RTN4: variants seen among roughly 807,000 people sequenced by gnomAD.
The protein encoded by RTN4 is reticulon 4.
In RTN4, 32 loss-of-function variants were observed where a neutral mutation model predicts 90.4. The ratio of observed to expected loss-of-function variants is 0.35; its 90% CI spans 0.27 to 0.48. The LOEUF is 0.48. Among genes scored for constraint, RTN4 ranks in the 20% least tolerant of loss-of-function variants. The pLI, the probability that RTN4 is intolerant of heterozygous loss-of-function variation, is 0.99. For missense variants in RTN4, 1,706 were observed against 1,430.2 expected, an observed-to-expected ratio of 1.19 and a Z score of -3.11; for synonymous variants, 629 against 552.5, an observed-to-expected ratio of 1.14 and a Z score of -1.94.
At chr2:55,069,745 T>A (rs1319662608) in intron 2 of RTN4, among the ~76,000 whole-genome samples, 1 of 152,144 alleles carries the variant, frequency 6.6e-6, no homozygotes, top group Non-Finnish European at 1.5e-5. Flanking sequence ...GGCCTGCACC[T>A]CCACCCATCA....
intron 2 of RTN4, chr2:55,056,546 C>T (rs907279163): frequency 4.0e-5 from 6 of 151,464 alleles, no homozygotes; most frequent in Admixed American, 1.3e-4. Context: ...GGCAACATGG[C>T]GAACCTGATT....
chr2:55,050,137 A>G lies in RTN4; in HGVS notation c.164T>C (p.Leu55Pro). Residue 55 changes from leucine to proline, a missense_variant, in exon 1 of 9, where the codon CTG becomes CCG. Transcript: ENST00000337526. This position sits in a 1 kb window ranked among gnomAD's most constrained non-coding sequence, Gnocchi z 4.6. ...EDEDLEELEVLERKPAAGLSA... is the reference protein window; with the variant it reads ...EDEDLEELEVPERKPAAGLSA... Reference sequence around the variant, plus strand: ...CAGCCCGGCGGCGGGCTTCCTCTCCAGCACCTCCAGCTCCTCCAGGTCTTC... The same window carrying G: ...CAGCCCGGCGGCGGGCTTCCTCTCCGGCACCTCCAGCTCCTCCAGGTCTTC... 1 of 1,543,528 alleles carries G rather than the reference A, an allele frequency of 6.5e-7. No individual in the cohort carries two copies. Among genetic ancestry groups the G allele is most frequent in the Non-Finnish European group, 8.7e-7 (1 of 1,152,946 alleles).
At chr2:54,990,653 T>C (rs907620083) in intron 3 of RTN4, among the ~76,000 whole-genome samples, 7 of 152,364 alleles carry the variant, frequency 4.6e-5, no homozygotes, top group African/African-American at 1.7e-4. Context: ...TTGTGTTATA[T>C]TGTAAACATG....
At chr2:54,973,255 C>CATCT in intron 8 of RTN4, 57 bp from the exon 9 acceptor site, 1 of 1,391,974 alleles carries the variant, frequency 7.2e-7, no homozygotes. Flanking sequence ...CTTAAAATAC[C>CATCT]ATCTTCCAAG....
intron 1 of RTN4, among the ~76,000 whole-genome samples, chr2:55,033,277 T>C (rs572112823): frequency 5.1e-4 from 78 of 152,284 alleles, no homozygotes; most frequent in African/African-American, 1.6e-3. Flanking sequence ...TCACCTCTCA[T>C]TGATGTAATC....
intron 3 of RTN4, among the ~76,000 whole-genome samples, chr2:55,015,905 A>T (rs1680998849): frequency 6.6e-6 from 1 of 152,212 alleles, no homozygotes; most frequent in African/African-American, 2.4e-5. Flanking sequence ...TTCTTCTGAT[A>T]AAAGGGTAAA....
chr2:55,137,719 GC>G, the RTN4 span, among the ~76,000 whole-genome samples: 1 of 152,030 alleles, frequency 6.6e-6, no homozygotes, highest in Non-Finnish European at 1.5e-5. Context: ...CTCCCCCATG[GC>G]GCTCTCTCCA....
intron 1 of RTN4, among the ~76,000 whole-genome samples, chr2:55,084,508 T>G (rs1407558174): frequency 1.3e-5 from 2 of 152,068 alleles, no homozygotes; most frequent in Non-Finnish European, 2.9e-5. Context: ...TGTGAGCCAT[T>G]CTAGCAAATG....
intron 3 of RTN4, among the ~76,000 whole-genome samples, chr2:54,992,532 G>A (rs1033703417): frequency 6.6e-6 from 1 of 151,802 alleles, no homozygotes; most frequent in Admixed American, 6.6e-5. Flanking sequence ...CCGAGAACAG[G>A]GCTTTACTCC....
chr2:55,111,164 T>C (rs1021294125), intron 1 of RTN4, among the ~76,000 whole-genome samples: 2 of 152,188 alleles, frequency 1.3e-5, no homozygotes, highest in Non-Finnish European at 2.9e-5. Flanking sequence ...TTGCTAACCT[T>C]GGGAAATTTG....
At chr2:55,110,622 G>T (rs572932638) in intron 1 of RTN4, among the ~76,000 whole-genome samples, 2 of 152,192 alleles carry the variant, frequency 1.3e-5, no homozygotes, top group Non-Finnish European at 1.5e-5. Flanking sequence ...ATCTGAGGGC[G>T]CATATACGTC....
At chr2:55,099,088 G>C (rs1454433148) in intron 1 of RTN4, among the ~76,000 whole-genome samples, 3 of 152,088 alleles carry the variant, frequency 2.0e-5, no homozygotes, top group Non-Finnish European at 2.9e-5. Flanking sequence ...ATAGAAAGGG[G>C]ACTCTATTAC....
At chr2:55,130,758 G>A in the RTN4 span, among the ~76,000 whole-genome samples, 7 of 152,126 alleles carry the variant, frequency 4.6e-5, no homozygotes, top group Admixed American at 4.6e-4. Flanking sequence ...GAGGCTCTGA[G>A]AGGTAATTTG....
rs780367107 is a variant in RTN4, at chr2:55,026,273, G to A, written c.1826C>T (p.Pro609Leu). 2.1e-5 allele frequency: 34 copies of A among 1,613,806 alleles called. No individual in the cohort carries two copies. In the East Asian group the frequency reaches 7.1e-4, roughly 34 times the overall value. ...SFEESEATPS[P>L]VLPDIVMEAP... ...TTCCATAACAATGTCAGGCAAAACT[G>A]GTGAAGGAGTAGCTTCTGACTCTTC... The change falls in exon 3 of 9, where the codon CCA (proline) becomes CTA (leucine). Residue 609 changes from proline (P) to leucine (L), a missense_variant. Transcript: ENST00000337526.
chr2:55,050,553 C>G (rs199647682), upstream of RTN4: 1 of 344,244 alleles, frequency 2.9e-6, no homozygotes. The surrounding 1 kb of genome is among the most constrained non-coding windows in gnomAD (Gnocchi z 4.6). Flanking sequence ...GCGGACTCTC[C>G]GCCCAGTTTG....
chr2:55,005,905 G>C, intron 3 of RTN4, among the ~76,000 whole-genome samples: 1 of 152,038 alleles, frequency 6.6e-6, no homozygotes, highest in East Asian at 1.9e-4. Flanking sequence ...TCTACTTGTG[G>C]TATCACATCA....
intron 4 of RTN4, among the ~76,000 whole-genome samples, chr2:54,984,310 G>A (rs4672003): frequency 0.85 from 129,868 of 152,214 alleles, 55,830 homozygotes; most frequent in African/African-American, 0.96. Context: ...TAGAGTATAA[G>A]CTGTTATGGA....
chr2:54,975,089 G>A (rs1677512596), intron 5 of RTN4, among the ~76,000 whole-genome samples: 1 of 152,148 alleles, frequency 6.6e-6, no homozygotes, highest in Non-Finnish European at 1.5e-5. Context: ...GACTATAAAG[G>A]TGTTATGAGA....
At chr2:55,103,465 T>G (rs1033281389) in intron 1 of RTN4, among the ~76,000 whole-genome samples, 1 of 152,076 alleles carries the variant, frequency 6.6e-6, no homozygotes, top group Non-Finnish European at 1.5e-5. Context: ...GGGTAGCTCT[T>G]ATACTGAGTG....
Sources: gnomAD v4.1 joint callset for allele counts (sites outside exome capture counted in the v4.1 genomes callset) on GRCh38, gnomAD v4.1.1 for gene constraint, Gnocchi (gnomAD v3.1) non-coding constraint, MANE v1.5 for transcripts, NCBI Gene and HGNC (gene_info 2026-07-23, HGNC 2026-07-21) for gene names.